The following LRRC4C variants were observed in gnomAD, a reference collection of about 807,000 sequenced individuals.
LRRC4C encodes the protein leucine rich repeat containing 4C, also known as leucine-rich repeat-containing protein 4C.
In LRRC4C, 5 loss-of-function variants were observed where a neutral mutation model predicts 33.6. That is an observed-to-expected ratio of 0.15 (90% confidence interval 0.08 to 0.31). LRRC4C has a LOEUF of 0.31. Among genes scored for constraint, LRRC4C ranks in the 10% least tolerant of loss-of-function variants. The pLI is 1.00. For synonymous variants in LRRC4C, 329 were observed against 302.0 expected, an observed-to-expected ratio of 1.09 and a Z score of -0.93; for missense variants, 560 against 796.7, an observed-to-expected ratio of 0.70 and a Z score of 3.58.
chr11:40,837,688 A>C (rs1952733062), intron 2 of LRRC4C, among the ~76,000 whole-genome samples: 1 of 151,512 alleles, frequency 6.6e-6, no homozygotes, highest in South Asian at 2.1e-4. Context: ...AAAAAAAAAA[A>C]AAAAAAAAAT....
At chr11:40,245,912 G>C (rs1180255038) in intron 4 of LRRC4C, among the ~76,000 whole-genome samples, 1 of 150,794 alleles carries the variant, frequency 6.6e-6, no homozygotes, top group African/African-American at 2.4e-5. Flanking sequence ...TTAGGTATTT[G>C]AGAACTGTTA....
At chr11:40,218,046 A>G (rs1372835649) in intron 5 of LRRC4C, among the ~76,000 whole-genome samples, 1 of 152,170 alleles carries the variant, frequency 6.6e-6, no homozygotes, top group Admixed American at 6.6e-5. Flanking sequence ...CTAAGTGTCA[A>G]TATAATTGAG....
At position 41,245,945 on chromosome 11, in the gene LRRC4C, G is replaced by A. The variant is rs193206534; in HGVS notation, c.-496+213486C>T. Among the ~76,000 whole-genome samples the A allele has an allele frequency of 9.0e-3, 1,374 of 152,240 alleles. 78 individuals are homozygous for A. Among genetic ancestry groups the A allele is most frequent in the Admixed American group, 0.083 (1,267 of 15,296 alleles). On this transcript the variant is annotated intron_variant, in intron 1 of 6. Transcript: ENST00000528697. ...TTATAGGCTTCAGAGGAGAGGGAGT[G>A]TGTGCTGATTGGTCCCTGGGTGGCC...
chr11:41,083,234 T>G (rs12278316), intron 1 of LRRC4C, among the ~76,000 whole-genome samples: 1 of 151,762 alleles, frequency 6.6e-6, no homozygotes, highest in African/African-American at 2.4e-5. Flanking sequence ...GATTCTATTA[T>G]TAAATGTATT....
intron 3 of LRRC4C, among the ~76,000 whole-genome samples, chr11:40,515,087 T>C (rs1422835878): frequency 6.6e-6 from 1 of 152,118 alleles, no homozygotes; most frequent in Non-Finnish European, 1.5e-5. Context: ...TTCAGATATT[T>C]CATATTCTCA....
intron 1 of LRRC4C, among the ~76,000 whole-genome samples, chr11:41,135,176 A>T (rs1820508773): frequency 6.6e-6 from 1 of 152,002 alleles, no homozygotes; most frequent in Admixed American, 6.6e-5. Flanking sequence ...AGAAAAGAAA[A>T]TTTTTTCTCC....
chr11:41,291,163 C>G lies in LRRC4C; in HGVS notation c.-496+168268G>C, dbSNP rs117992423. Among the ~76,000 whole-genome samples the G allele has an allele frequency of 1.7e-3, 256 of 152,244 alleles. 5 individuals carry two copies. The East Asian group carries it at 0.038, about 22-fold the overall frequency. ...TAAAACATGATTTAAAACCTTTAAACACTTTTCCAATATTCAAACTTTGCA... is the reference window on the plus strand; with the variant it reads ...TAAAACATGATTTAAAACCTTTAAAGACTTTTCCAATATTCAAACTTTGCA... On this transcript the variant is annotated intron_variant, in intron 1 of 6. Transcript: ENST00000528697.
chr11:40,670,901 C>T (rs1390979341), intron 2 of LRRC4C, among the ~76,000 whole-genome samples: 1 of 152,074 alleles, frequency 6.6e-6, no homozygotes, highest in African/African-American at 2.4e-5. Context: ...GTGGCTGGGA[C>T]TATAGGTGCC....
At chr11:41,328,734 A>T (rs1951201620) in intron 1 of LRRC4C, among the ~76,000 whole-genome samples, 1 of 152,196 alleles carries the variant, frequency 6.6e-6, no homozygotes, top group South Asian at 2.1e-4. Flanking sequence ...GTCGTGACAT[A>T]AAGGACATGT....
At chr11:40,180,463 C>T (rs752477724) in intron 5 of LRRC4C, among the ~76,000 whole-genome samples, 4 of 152,138 alleles carry the variant, frequency 2.6e-5, no homozygotes, top group African/African-American at 4.8e-5. Flanking sequence ...AAGGGGCAGA[C>T]GTTGAGTGGG....
chr11:40,206,271 T>G (rs1863141312), intron 5 of LRRC4C, among the ~76,000 whole-genome samples: 1 of 152,310 alleles, frequency 6.6e-6, no homozygotes, highest in Non-Finnish European at 1.5e-5. Context: ...GTCTCACTCT[T>G]GTCGCCCAGG....
chr11:41,164,014 T>G (rs1385692092), intron 1 of LRRC4C, among the ~76,000 whole-genome samples: 1 of 152,186 alleles, frequency 6.6e-6, no homozygotes, highest in Non-Finnish European at 1.5e-5. Flanking sequence ...AAGCCTATAG[T>G]GTGTAATGAT....
At chr11:41,007,206 C>A (rs374385956) in intron 1 of LRRC4C, among the ~76,000 whole-genome samples, 19 of 149,740 alleles carry the variant, frequency 1.3e-4, no homozygotes, top group African/African-American at 4.7e-4. Context: ...GAGAGAGAAT[C>A]AAAAATCTAG....
intron 1 of LRRC4C, among the ~76,000 whole-genome samples, chr11:41,205,398 A>G (rs1204254183): frequency 6.6e-6 from 1 of 152,170 alleles, no homozygotes; most frequent in Non-Finnish European, 1.5e-5. Context: ...GGCTCCTGAA[A>G]TCTTCAAGGC....
chr11:40,449,690 C>A (rs900373388), intron 3 of LRRC4C, among the ~76,000 whole-genome samples: 2 of 152,098 alleles, frequency 1.3e-5, no homozygotes, highest in African/African-American at 4.8e-5. Context: ...TGAATGGGGG[C>A]TAATACTTTT....
chr11:41,049,800 G>A (rs184829414), intron 1 of LRRC4C, among the ~76,000 whole-genome samples: 1 of 152,284 alleles, frequency 6.6e-6, no homozygotes, highest in African/African-American at 2.4e-5. Context: ...CAGTGATCTG[G>A]CATGTTGGCT....
intron 3 of LRRC4C, among the ~76,000 whole-genome samples, chr11:40,535,766 C>T (rs970784306): frequency 2.6e-5 from 4 of 152,166 alleles, no homozygotes; most frequent in African/African-American, 9.7e-5. Flanking sequence ...ACATAGTTCT[C>T]CTTAGTATAA....
At chr11:41,300,970 A>G (rs1233744927) in intron 1 of LRRC4C, among the ~76,000 whole-genome samples, 1 of 152,244 alleles carries the variant, frequency 6.6e-6, no homozygotes, top group African/African-American at 2.4e-5. Flanking sequence ...GTCATCACTG[A>G]TAACAACTTA....
intron 1 of LRRC4C, among the ~76,000 whole-genome samples, chr11:41,238,861 T>A (rs1316767448): frequency 6.6e-6 from 1 of 152,136 alleles, no homozygotes; most frequent in Non-Finnish European, 1.5e-5. Flanking sequence ...TCCTTACTTA[T>A]AAAATAGGAG....
Sources: gnomAD v4.1 joint callset for allele counts (sites outside exome capture counted in the v4.1 genomes callset) on GRCh38, gnomAD v4.1.1 for gene constraint, MANE v1.5 for transcripts, NCBI Gene and HGNC (gene_info 2026-07-23, HGNC 2026-07-21) for gene names.